The following NOTCH2 variants were observed in gnomAD, a reference collection of about 807,000 sequenced individuals.
The protein encoded by NOTCH2 is neurogenic locus notch homolog protein 2.
In NOTCH2, 29 loss-of-function variants were observed where a neutral mutation model predicts 235.8. The ratio of observed to expected loss-of-function variants is 0.12; its 90% CI spans 0.09 to 0.17. The LOEUF is 0.17. NOTCH2 is among the 10% of genes least tolerant of loss of function. The pLI, the probability that NOTCH2 is intolerant of heterozygous loss-of-function variation, is 1.00. For synonymous variants in NOTCH2, 1,086 were observed against 1,141.5 expected, an observed-to-expected ratio of 0.95 and a Z score of 0.98; for missense variants, 2,285 against 3,150.2, an observed-to-expected ratio of 0.73 and a Z score of 6.57.
chr1:119,937,546 T>G, intron 20 of NOTCH2, 80 bp from the exon 21 acceptor site: 1 of 1,344,894 alleles, frequency 7.4e-7, no homozygotes. Context: ...AGCAAGTAAA[T>G]CTAAACTGGC....
chr1:120,068,648 A>G (rs1655603303), intron 1 of NOTCH2: 1 of 288,420 alleles, frequency 3.5e-6, no homozygotes. Flanking sequence ...CTCGGAAAGA[A>G]TAACAGCAGT....
intron 4 of NOTCH2, chr1:119,996,609 T>C (rs1203008146): frequency 2.2e-5 from 18 of 813,052 alleles, no homozygotes; most frequent in Non-Finnish European, 3.5e-5. Flanking sequence ...TCACCTACTG[T>C]TAATGTCAAT....
intron 1 of NOTCH2, among the ~76,000 whole-genome samples, chr1:120,033,503 G>C (rs1361294352): frequency 1.4e-5 from 2 of 141,990 alleles, no homozygotes; most frequent in Non-Finnish European, 3.0e-5. Context: ...TCTGTCATTT[G>C]AGACAACATG....
chr1:119,916,267 T>C lies in NOTCH2; in HGVS notation c.6455A>G (p.Asp2152Gly). ...SESSVTLSPV[D>G]SLESPHTYVS... is the part of the protein sequence containing the mutation. The stretch of plus-strand genomic sequence containing the variant: ...ATACGTGTGAGGAGATTCTAGGGAA[T>C]CAACAGGGGATAAAGTTACTGAACT... Residue 2152 changes from aspartate to glycine, a missense_variant, in exon 34 of 34, where the codon GAT (aspartate) becomes GGT (glycine). By Grantham distance (94) the Asp-to-Gly change is moderately conservative. Coordinates refer to ENST00000256646, the MANE Select transcript of NOTCH2 (RefSeq NM_024408.4). The C allele has an allele frequency of 8.1e-6, 13 of 1,614,154 alleles. No individual in the cohort carries two copies. Among genetic ancestry groups the C allele is most frequent in the Non-Finnish European group, 9.3e-6 (11 of 1,180,024 alleles).
In NOTCH2 at chr1:120,054,825, C is replaced by T. The variant is rs2101408807; in HGVS notation, c.73+14509G>A. Among the ~76,000 whole-genome samples the T allele has an allele frequency of 2.9e-5, 4 of 136,976 alleles. No individual in the cohort carries two copies. In the Middle Eastern group the frequency reaches 0.011, roughly 367 times the overall value. 89.9% of individuals were successfully genotyped at this position (136,976 alleles called of 152,430 possible). ...TAACAAACATAATTCCATTCTTCTT[C>T]CCAGTTACAAAAAGATTTAAAAGAA... On this transcript the variant is annotated intron_variant, in intron 1 of 33. Transcript: ENST00000256646.
chr1:119,915,369 A>G lies in NOTCH2; in HGVS notation c.7353T>C (p.Gly2451=), dbSNP rs1173768056. The change falls in exon 34 of 34, where the codon GGT becomes GGC. Residue 2451 remains glycine (G), a synonymous_variant. Coordinates refer to ENST00000256646, the MANE Select transcript of NOTCH2 (RefSeq NM_024408.4). ...ACATGTGTGTCCCAGGTCCCCGCTGACCTCCTCCAGCACCCCCAGGGGTAG... is the reference window on the plus strand; with the variant it reads ...ACATGTGTGTCCCAGGTCCCCGCTGGCCTCCTCCAGCACCCCCAGGGGTAG... ...TSPTPGGAGG[G]QRGPGTHMSE... is the part of the protein sequence containing the mutation. The G allele has an allele frequency of 6.2e-7, 1 of 1,613,986 alleles. No individual in the cohort carries two copies. The highest frequency in any genetic ancestry group is 1.1e-5 in the South Asian group (1 of 91,058).
At chr1:119,989,339 C>G (rs1438915878) in intron 4 of NOTCH2, among the ~76,000 whole-genome samples, 3 of 151,922 alleles carry the variant, frequency 2.0e-5, no homozygotes, top group African/African-American at 7.3e-5. Context: ...AAAATTAACT[C>G]AAAATGGATC....
At chr1:119,985,483 T>C (rs587689247) in intron 5 of NOTCH2, among the ~76,000 whole-genome samples, 1 of 152,242 alleles carries the variant, frequency 6.6e-6, no homozygotes, top group South Asian at 2.1e-4. Flanking sequence ...CCTTCCTAAT[T>C]AATATCAAAG....
In NOTCH2 at chr1:119,976,803, ATT is replaced by A. The variant is rs587623828; in HGVS notation, c.875-7061_875-7060del. Among the ~76,000 whole-genome samples the A allele has an allele frequency of 1.1e-4, 16 of 152,126 alleles. No homozygotes were observed. The South Asian group carries it at 3.1e-3, about 30-fold the overall frequency. ...TTTTTTCATTTCTCAAAATGATCAC[ATT>A]CTTTCCCTCCTCAGTGGCTAGCACA... On this transcript the variant is annotated intron_variant, in intron 5 of 33. Coordinates refer to ENST00000256646, the MANE Select transcript of NOTCH2 (RefSeq NM_024408.4).
At chr1:120,002,510 G>T (rs1355657028) in intron 3 of NOTCH2, among the ~76,000 whole-genome samples, 2 of 151,328 alleles carry the variant, frequency 1.3e-5, no homozygotes, top group African/African-American at 4.9e-5. Context: ...ATGAATGAAG[G>T]TTTGGGCCTC....
intron 5 of NOTCH2, among the ~76,000 whole-genome samples, chr1:119,985,978 T>C (rs989015598): frequency 6.6e-6 from 1 of 152,034 alleles, no homozygotes; most frequent in Non-Finnish European, 1.5e-5. Flanking sequence ...TGTGATTGAG[T>C]TTTTAAATGC....
At chr1:120,066,207 G>A (rs1410513180) in intron 1 of NOTCH2, among the ~76,000 whole-genome samples, 1 of 151,998 alleles carries the variant, frequency 6.6e-6, no homozygotes, top group African/African-American at 2.4e-5. Context: ...GTTAAACACT[G>A]GAATGACTAA....
intron 22 of NOTCH2, among the ~76,000 whole-genome samples, chr1:119,932,433 C>CTTTTT (rs1553195262): frequency 5.9e-5 from 9 of 151,966 alleles, no homozygotes; most frequent in African/African-American, 2.2e-4. Context: ...ATTAAAAATA[C>CTTTTT]AAAATCAGCC....
intron 3 of NOTCH2, 94 bp downstream of exon 3, chr1:120,005,235 G>A: frequency 7.1e-7 from 1 of 1,400,204 alleles, no homozygotes; most frequent in Non-Finnish European, 1.0e-6. Context: ...CAGAGCTGGG[G>A]GACATTTAAG....
intron 3 of NOTCH2, among the ~76,000 whole-genome samples, chr1:120,000,299 G>A (rs1387614824): frequency 3.5e-4 from 54 of 152,236 alleles, no homozygotes; most frequent in Non-Finnish European, 6.0e-4. Context: ...ACTTTGGGAG[G>A]CCGAGGCAGG....
At chr1:120,023,029 G>C (rs1277312635) in intron 2 of NOTCH2, among the ~76,000 whole-genome samples, 1 of 150,584 alleles carries the variant, frequency 6.6e-6, no homozygotes, top group Non-Finnish European at 1.5e-5. Flanking sequence ...TAAACTACTT[G>C]AGAACAGACC....
intron 5 of NOTCH2, among the ~76,000 whole-genome samples, chr1:119,983,053 A>C (rs1414846738): frequency 6.6e-6 from 1 of 152,266 alleles, no homozygotes; most frequent in African/African-American, 2.4e-5. Context: ...TCCAGTGGCT[A>C]CTAAAATATT....
At position 119,941,740 on chromosome 1, in the gene NOTCH2, C is replaced by CTG; in HGVS notation, c.2766_2767insCA (p.Gly923GlnfsTer9). ...TTCACTCCATCCATACAGGAACCTCCATTCTGGCAAGGATCTAAGCCATTA... is the reference window on the plus strand; with the variant it reads ...TTCACTCCATCCATACAGGAACCTCCTGATTCTGGCAAGGATCTAAGCCATTA... On this transcript the variant is annotated frameshift_variant, in exon 18 of 34. Transcript: ENST00000256646. LOFTEE classifies it high-confidence loss of function. The CTG allele has an allele frequency of 6.2e-7, 1 of 1,613,748 alleles. No homozygotes were observed. Among genetic ancestry groups the CTG allele is most frequent in the Non-Finnish European group, 8.5e-7 (1 of 1,179,672 alleles).
At chr1:119,919,257 A>T (rs1649190659) in intron 31 of NOTCH2, 55 bp downstream of exon 31, 2 of 1,515,428 alleles carry the variant, frequency 1.3e-6, no homozygotes, top group African/African-American at 1.4e-5. Context: ...AAAACGATAA[A>T]ACATTATAGA....
Sources: allele counts gnomAD v4.1 joint callset (sites outside exome capture counted in the v4.1 genomes callset), GRCh38; gene constraint gnomAD v4.1.1; transcripts MANE v1.5; gene names NCBI Gene and HGNC (gene_info 2026-07-23, HGNC 2026-07-21).